SYNE2: variants seen among roughly 807,000 people sequenced by gnomAD.
The protein encoded by SYNE2 is nesprin-2.
SYNE2 carries 431 observed loss-of-function variants against 856.3 expected under a neutral mutation model. The ratio of observed to expected loss-of-function variants is 0.50; its 90% CI spans 0.47 to 0.55. SYNE2 has a LOEUF of 0.55. Ranked by LOEUF, SYNE2 falls within the 20% of genes least tolerant of loss-of-function variation. The pLI, the probability that SYNE2 is intolerant of heterozygous loss-of-function variation, is 0.00. For synonymous variants in SYNE2, 2,923 were observed against 2,872.3 expected, an observed-to-expected ratio of 1.02 and a Z score of -0.56; for missense variants, 8,129 against 8,023.2, an observed-to-expected ratio of 1.01 and a Z score of -0.50.
chr14:63,893,197 T>A (rs1180191887), intron 1 of SYNE2, among the ~76,000 whole-genome samples: 1 of 150,948 alleles, frequency 6.6e-6, no homozygotes, highest in African/African-American at 2.4e-5. Context: ...CTAAATTCTT[T>A]AAAAAAAAAG....
chr14:63,846,876 T>G (rs1351581688), intron 1 of SYNE2, among the ~76,000 whole-genome samples: 1 of 152,040 alleles, frequency 6.6e-6, no homozygotes, highest in African/African-American at 2.4e-5. Context: ...GGATTATAGG[T>G]GTGAACCATG....
intron 1 of SYNE2, among the ~76,000 whole-genome samples, chr14:63,813,818 C>T (rs1888713643): frequency 6.6e-6 from 1 of 152,158 alleles, no homozygotes; most frequent in Non-Finnish European, 1.5e-5. Context: ...CTTTGGGAGG[C>T]CAAGGCAGGT....
chr14:64,220,738 A>G (rs2098690540), intron 111 of SYNE2, 101 bp downstream of exon 111: 13 of 1,358,078 alleles, frequency 9.6e-6, no homozygotes, highest in Non-Finnish European at 1.3e-5. Context: ...CCGTGCAGCC[A>G]AATGTGGCTG....
At chr14:63,948,730 A>ATATATATGTATATATATATGTG (rs1566883104) in intron 6 of SYNE2, among the ~76,000 whole-genome samples, 7 of 88,890 alleles carry the variant, frequency 7.9e-5, no homozygotes, top group Admixed American at 2.9e-4. Context: ...GTGTATATAT[A>ATATATATGTATATATATATGTG]TGTGTATAGA....
At chr14:63,982,536 AAG>A (rs750682979) in intron 16 of SYNE2, 92 bp from the exon 17 acceptor site, 15,174 of 752,352 alleles carry the variant, frequency 0.02, 244 homozygotes, top group East Asian at 0.026. Flanking sequence ...AAAAAAAAAA[AAG>A]AAAAGAAAAA....
chr14:64,173,489 C>T (rs1008809648), intron 94 of SYNE2, among the ~76,000 whole-genome samples: 6 of 152,154 alleles, frequency 3.9e-5, no homozygotes, highest in Non-Finnish European at 5.9e-5. Flanking sequence ...TCAGAAATGC[C>T]TTTGTAAATT....
chr14:63,877,211 AG>A (rs2140511765), intron 1 of SYNE2, among the ~76,000 whole-genome samples: 1 of 152,310 alleles, frequency 6.6e-6, no homozygotes, highest in African/African-American at 2.4e-5. Flanking sequence ...AGAGACAAAA[AG>A]GTGCACCATG....
chr14:63,845,365 G>C (rs902490293), intron 1 of SYNE2, among the ~76,000 whole-genome samples: 4 of 150,116 alleles, frequency 2.7e-5, no homozygotes, highest in African/African-American at 9.8e-5. Context: ...GCAGTGAGCC[G>C]AGATCATGCC....
intron 81 of SYNE2, 78 bp downstream of exon 81, chr14:64,141,601 T>C: frequency 6.8e-7 from 1 of 1,463,876 alleles, no homozygotes; most frequent in South Asian, 1.2e-5. Context: ...TTTCTCTGAC[T>C]CAATAATTTT....
chr14:64,016,622 ATGGC>A lies in SYNE2; in HGVS notation c.4880_4883del (p.Trp1627LeufsTer3). ...AAGAGGCTAATATTATTGTGGATAG[ATGGC>A]TTGATGTAAGTGATAATTTCATTGA... On this transcript the variant is annotated frameshift_variant, in exon 33 of 116. Transcript: ENST00000555002. LOFTEE classifies it high-confidence loss of function. The A allele has an allele frequency of 6.3e-7, 1 of 1,591,970 alleles. No homozygotes were observed. Among genetic ancestry groups the A allele is most frequent in the South Asian group, 1.1e-5 (1 of 88,440 alleles).
rs764386652 is a variant in SYNE2 at position 64,165,429 on chromosome 14, T to A, written c.16605+19T>A. 6.2e-7 allele frequency: 1 copy of A among 1,612,700 alleles called. No individual in the cohort carries two copies. Among genetic ancestry groups the A allele is most frequent in the Non-Finnish European group, 8.5e-7 (1 of 1,179,516 alleles). On this transcript the variant is annotated intron_variant, in intron 90 of 115. Transcript: ENST00000555002. ...ATTCCTGGTATTGCCAATATTTGTCTTTTCTAAGGGCTTAGACTCACCATA... is the reference window on the plus strand; with the variant it reads ...ATTCCTGGTATTGCCAATATTTGTCATTTCTAAGGGCTTAGACTCACCATA...
At chr14:64,073,747 G>A (rs994176883) in intron 52 of SYNE2, among the ~76,000 whole-genome samples, 1 of 152,194 alleles carries the variant, frequency 6.6e-6, no homozygotes, top group Non-Finnish European at 1.5e-5. Context: ...GAGTATTTGA[G>A]GCGAAAGATT....
chr14:63,822,870 G>A (rs1239563018), intron 1 of SYNE2, among the ~76,000 whole-genome samples: 1 of 152,172 alleles, frequency 6.6e-6, no homozygotes, highest in African/African-American at 2.4e-5. Context: ...TTGAGAGGCT[G>A]AGGCAGAAGG....
chr14:64,141,397 C>T lies in SYNE2; in HGVS notation c.15033C>T (p.Ile5011=), dbSNP rs948885227. 5 of 1,614,040 alleles carry T rather than the reference C, an allele frequency of 3.1e-6. No homozygotes were observed. Among genetic ancestry groups the T allele is most frequent in the Admixed American group, 1.7e-5 (1 of 60,020 alleles). The change falls in exon 81 of 116, where the codon ATC becomes ATT. Residue 5011 remains isoleucine (I), a synonymous_variant. Coordinates refer to ENST00000555002, the MANE Select transcript of SYNE2 (RefSeq NM_182914.3). The part of the protein sequence containing the change: ...KSSLKTAVIS[I]GNQLLHLKET... ...CCTTGAAGACTGCCGTTATCAGTAT[C>T]GGGAACCAGCTTCTTCACCTGAAAG...
Position 64,016,453 on chromosome 14 carries a change from C to T in SYNE2, c.4729-20C>T. ...GTCTATATCAAAATATCAGAAATAA[C>T]TTTCATATCTTTTTTACAGATTGAA... On this transcript the variant is annotated intron_variant, in intron 32 of 115. Coordinates refer to ENST00000555002, the MANE Select transcript of SYNE2 (RefSeq NM_182914.3). The T allele has an allele frequency of 2.7e-6, 4 of 1,496,616 alleles. No homozygotes were observed. Among genetic ancestry groups the T allele is most frequent in the South Asian group, 2.4e-5 (2 of 82,126 alleles). 92.7% of individuals were successfully genotyped at this position (1,496,616 alleles called of 1,614,324 possible). A position where few individuals can be genotyped will look rare whatever the true frequency, so the allele number is the denominator to read the frequency against.
intron 38 of SYNE2, 28 bp from the exon 39 acceptor site, chr14:64,024,229 T>G (rs1281964042): frequency 6.2e-7 from 1 of 1,609,868 alleles, no homozygotes; most frequent in Non-Finnish European, 8.5e-7. Flanking sequence ...TGCCAGGAGA[T>G]TGTAATGGAC....
At chr14:63,905,363 A>G (rs2095395225) in intron 1 of SYNE2, among the ~76,000 whole-genome samples, 1 of 152,106 alleles carries the variant, frequency 6.6e-6, no homozygotes, top group South Asian at 2.1e-4. Context: ...ATAGTTTGAT[A>G]GCAATGGCAT....
intron 77 of SYNE2, 137 bp downstream of exon 77, chr14:64,132,575 C>G (rs899675089): frequency 2.4e-5 from 29 of 1,194,036 alleles, no homozygotes; most frequent in Admixed American, 6.1e-5. Context: ...AATGTGGACC[C>G]CTGCTCAGGT....
intron 60 of SYNE2, among the ~76,000 whole-genome samples, chr14:64,091,686 ACT>A (rs987386423): frequency 2.0e-5 from 3 of 151,864 alleles, no homozygotes; most frequent in African/African-American, 7.3e-5. Flanking sequence ...TTAAATCACT[ACT>A]CTCCATCAGG....
Sources: gnomAD v4.1 joint callset for allele counts (sites outside exome capture counted in the v4.1 genomes callset) on GRCh38, gnomAD v4.1.1 for gene constraint, MANE v1.5 for transcripts, NCBI Gene and HGNC (gene_info 2026-07-23, HGNC 2026-07-21) for gene names.